IKBKB: variants seen among roughly 807,000 people sequenced by gnomAD.
The protein encoded by IKBKB is inhibitor of nuclear factor kappa B kinase subunit beta.
IKBKB carries 42 observed loss-of-function variants against 113.6 expected under a neutral mutation model. That is an observed-to-expected ratio of 0.37 (90% CI 0.29 to 0.48). IKBKB has a LOEUF of 0.48. Ranked by LOEUF, IKBKB falls within the 20% of genes least tolerant of loss-of-function variation. The pLI is 0.99. For synonymous variants in IKBKB, 296 were observed against 361.3 expected (o/e 0.82, Z 2.05); for missense variants, 673 against 939.7 (o/e 0.72, Z 3.71).
intron 5 of IKBKB, among the ~76,000 whole-genome samples, chr8:42,303,060 GGAGAGAGA>G (rs34921450): frequency 8.4e-4 from 96 of 114,244 alleles, no homozygotes; most frequent in African/African-American, 1.8e-3. Flanking sequence ...TTGCCGAGAG[GGAGAGAGA>G]GAGAGAGAGA....
intron 8 of IKBKB, chr8:42,314,101 G>T (rs1160468130): frequency 9.3e-6 from 5 of 540,016 alleles, no homozygotes; most frequent in Admixed American, 6.3e-5. Context: ...ACTTACCATT[G>T]TGTTACCCTG....
chr8:42,311,338 G>A (rs1345812635), intron 8 of IKBKB, among the ~76,000 whole-genome samples: 4 of 152,144 alleles, frequency 2.6e-5, no homozygotes, highest in East Asian at 1.9e-4. Context: ...CAAGATGGGC[G>A]GATCACCTGA....
intron 2 of IKBKB, among the ~76,000 whole-genome samples, chr8:42,278,369 A>C (rs933519701): frequency 2.0e-5 from 3 of 152,212 alleles, no homozygotes; most frequent in Admixed American, 2.0e-4. Flanking sequence ...ATGGAGGAGC[A>C]GTGGAACGAT....
At chr8:42,282,104 A>T (rs944391729) in intron 2 of IKBKB, among the ~76,000 whole-genome samples, 5 of 152,216 alleles carry the variant, frequency 3.3e-5, no homozygotes, top group African/African-American at 1.2e-4. Context: ...GAGGACCTTC[A>T]TAATCACTAC....
intron 20 of IKBKB, among the ~76,000 whole-genome samples, chr8:42,327,532 A>C (rs1220819220): frequency 2.0e-5 from 3 of 148,914 alleles, no homozygotes; most frequent in Non-Finnish European, 4.4e-5. Flanking sequence ...ATGGGGTTTC[A>C]CCGTATTAGC....
At chr8:42,317,857 G>A (rs1563355827) in intron 12 of IKBKB, 86 bp downstream of exon 12, 4 of 945,154 alleles carry the variant, frequency 4.2e-6, no homozygotes, top group East Asian at 2.4e-5. Flanking sequence ...ACTAAGGAAG[G>A]GGGAGCCACG....
chr8:42,305,145 C>T (rs201944972), intron 5 of IKBKB, 42 bp from the exon 6 acceptor site: 4 of 1,343,632 alleles, frequency 3.0e-6, no homozygotes, highest in Non-Finnish European at 4.3e-6. Flanking sequence ...TCATGAAAAG[C>T]ATTTTTTAGG....
At position 42,317,027 on chromosome 8, in the gene IKBKB, C is replaced by T. The variant is rs1350709963; in HGVS notation, c.1125+123C>T. The T allele has an allele frequency of 2.4e-5, 23 of 960,956 alleles. No homozygotes were observed. In the South Asian group the frequency reaches 2.6e-4, roughly 11 times the overall value. 59.5% of individuals were successfully genotyped at this position (960,956 alleles called of 1,614,324 possible). ...GTCTGTTAATCACACAGTGCGGATA[C>T]CTGGCTGGTTTTTAAGTTGGAGTAT... On this transcript the variant is annotated intron_variant, in intron 11 of 21. Transcript: ENST00000520810.
At chr8:42,272,939 C>CAA (rs71221204) in intron 2 of IKBKB, among the ~76,000 whole-genome samples, 1,554 of 50,666 alleles carry the variant, frequency 0.031, 80 homozygotes, top group African/African-American at 0.094. Flanking sequence ...GACTCCGTCT[C>CAA]AAAAAAAAAA....
At chr8:42,313,164 T>G (rs762930329) in intron 8 of IKBKB, among the ~76,000 whole-genome samples, 5 of 152,210 alleles carry the variant, frequency 3.3e-5, no homozygotes, top group Admixed American at 1.3e-4. Flanking sequence ...TAGATTATTT[T>G]TACTGGCCGG....
intron 2 of IKBKB, among the ~76,000 whole-genome samples, chr8:42,285,565 A>C (rs1270969997): frequency 6.6e-6 from 1 of 152,154 alleles, no homozygotes; most frequent in Non-Finnish European, 1.5e-5. Context: ...TAAAAAGAAA[A>C]AATAGCAACA....
chr8:42,286,585 C>T (rs1198750372), intron 2 of IKBKB, among the ~76,000 whole-genome samples: 1 of 152,182 alleles, frequency 6.6e-6, no homozygotes, highest in Non-Finnish European at 1.5e-5. Context: ...CCCACCTCAG[C>T]CTCCTGAGTG....
chr8:42,332,313 A>T lies in IKBKB; in HGVS notation c.*1334A>T, dbSNP rs1420915224. On this transcript the variant is annotated 3_prime_UTR_variant, in exon 22 of 22. Coordinates refer to ENST00000520810, the MANE Select transcript of IKBKB (RefSeq NM_001556.3). ...TATCTGAAAAGTCTTATAATAAAGA[A>T]ACAGGCTTAACTTTGTGTAAGAACA... 1.3e-5 allele frequency: 2 copies of T among 152,268 alleles called. No homozygotes were observed. Among genetic ancestry groups the T allele is most frequent in the Non-Finnish European group, 2.9e-5 (2 of 68,046 alleles). 9.4% of individuals were successfully genotyped at this position (152,268 alleles called of 1,614,324 possible). A position where few individuals can be genotyped will look rare whatever the true frequency, so the allele number is the denominator to read the frequency against.
Position 42,293,464 on chromosome 8 carries a change from T to G in IKBKB, c.340T>G (p.Cys114Gly). The G allele has an allele frequency of 6.2e-7, 1 of 1,614,228 alleles. No individual in the cohort carries two copies. The highest frequency in any genetic ancestry group is 8.5e-7 in the Non-Finnish European group (1 of 1,180,038). ...ACAGTACCTGAACCAGTTTGAGAACTGCTGTGGTCTGCGGGAAGGTGCCAT... is the reference window on the plus strand; with the variant it reads ...ACAGTACCTGAACCAGTTTGAGAACGGCTGTGGTCTGCGGGAAGGTGCCAT... ...LRKYLNQFENCCGLREGAILT... is the reference protein window; with the variant it reads ...LRKYLNQFENGCGLREGAILT... The change falls in exon 5 of 22, where the codon TGC becomes GGC. Residue 114 changes from cysteine (C) to glycine (G), a missense_variant. Coordinates refer to ENST00000520810, the MANE Select transcript of IKBKB (RefSeq NM_001556.3).
intron 5 of IKBKB, among the ~76,000 whole-genome samples, chr8:42,302,715 T>A (rs1815478750): frequency 1.3e-5 from 2 of 151,910 alleles, no homozygotes; most frequent in South Asian, 4.2e-4. Flanking sequence ...AACAAATGAA[T>A]TTTGTGTTTA....
chr8:42,281,672 G>A (rs1418841126), intron 2 of IKBKB, among the ~76,000 whole-genome samples: 5 of 152,138 alleles, frequency 3.3e-5, no homozygotes, highest in Non-Finnish European at 5.9e-5. Context: ...GGACCTTTTT[G>A]GCTCCCAGCC....
chr8:42,313,175 G>C (rs954912297), intron 8 of IKBKB, among the ~76,000 whole-genome samples: 1 of 152,170 alleles, frequency 6.6e-6, no homozygotes, highest in Non-Finnish European at 1.5e-5. Flanking sequence ...TACTGGCCGG[G>C]CACTGTGGCT....
rs1454239284 is a variant in IKBKB, at chr8:42,288,694, G to C, written c.166G>C (p.Glu56Gln). 1 of 1,611,484 alleles carries C rather than the reference G, an allele frequency of 6.2e-7. No homozygotes were observed. Among genetic ancestry groups the C allele is most frequent in the Non-Finnish European group, 8.5e-7 (1 of 1,178,736 alleles). Residue 56 changes from glutamate to glutamine, a missense_variant, in exon 3 of 22, where the codon GAG becomes CAG. Glu to Gln is a conservative substitution (Grantham distance 29). Coordinates refer to ENST00000520810, the MANE Select transcript of IKBKB (RefSeq NM_001556.3). ...GCAGGAGCTCAGCCCCCGGAACCGAGAGCGGTGGTGCCTGGAGATCCAGAT... is the reference window on the plus strand; with the variant it reads ...GCAGGAGCTCAGCCCCCGGAACCGACAGCGGTGGTGCCTGGAGATCCAGAT... Reference protein sequence around the residue: ...CRQELSPRNRERWCLEIQIMR... With the variant: ...CRQELSPRNRQRWCLEIQIMR...
At chr8:42,289,508 G>C (rs1333385320) in intron 3 of IKBKB, among the ~76,000 whole-genome samples, 1 of 152,156 alleles carries the variant, frequency 6.6e-6, no homozygotes, top group Admixed American at 6.5e-5. Context: ...TATTCCTCTA[G>C]TGTGGAGACG....
Sources: allele counts gnomAD v4.1 joint callset (sites outside exome capture counted in the v4.1 genomes callset), GRCh38; gene constraint gnomAD v4.1.1; transcripts MANE v1.5; gene names NCBI Gene and HGNC (gene_info 2026-07-23, HGNC 2026-07-21).